Variants in NSF observed in about 807,000 individuals in gnomAD.
The protein encoded by NSF is vesicle-fusing ATPase.
Under a neutral mutation model 50.3 loss-of-function variants are expected in NSF, and 14 were observed. The observed-to-expected ratio is 0.28, with a 90% confidence interval of 0.18 to 0.44. The LOEUF (loss-of-function observed/expected upper bound fraction) is 0.44, where lower values mean the gene tolerates loss of function less well. NSF is among the 20% of genes least tolerant of loss of function. The pLI, the probability that NSF is intolerant of heterozygous loss-of-function variation, is 1.00. For missense variants in NSF, 218 were observed against 504.3 expected, an observed-to-expected ratio of 0.43 and a Z score of 5.44; for synonymous variants, 109 against 175.7, an observed-to-expected ratio of 0.62 and a Z score of 3.00.
intron 17 of NSF, among the ~76,000 whole-genome samples, chr17:46,747,207 G>A (rs2059138086): frequency 6.6e-6 from 1 of 152,068 alleles, no homozygotes; most frequent in Non-Finnish European, 1.5e-5. Flanking sequence ...AAAACAAATT[G>A]GAAAAAGGGG....
At chr17:46,642,543 TTG>T (rs1242849308) in intron 7 of NSF, among the ~76,000 whole-genome samples, 4 of 127,102 alleles carry the variant, frequency 3.1e-5, no homozygotes, top group Non-Finnish European at 4.6e-5. Context: ...TTTGTAATCA[TTG>T]AAGTCTTTAG....
chr17:46,727,192 A>G (rs2058897998), intron 16 of NSF, among the ~76,000 whole-genome samples: 1 of 152,232 alleles, frequency 6.6e-6, no homozygotes, highest in Non-Finnish European at 1.5e-5. Flanking sequence ...TAATTTTTAA[A>G]ATATGTATTA....
intron 1 of NSF, among the ~76,000 whole-genome samples, chr17:46,614,021 ATAAGTT>A (rs2058033085): frequency 2.2e-5 from 1 of 44,594 alleles, no homozygotes; most frequent in Non-Finnish European, 3.5e-5. Flanking sequence ...ACGCAGAAAA[ATAAGTT>A]AAAGATAGAT....
At chr17:46,727,686 A>T (rs2058905032) in intron 16 of NSF, among the ~76,000 whole-genome samples, 1 of 152,018 alleles carries the variant, frequency 6.6e-6, no homozygotes, top group South Asian at 2.1e-4. Flanking sequence ...AGTTTATGGG[A>T]TGATTTCTTT....
chr17:46,749,166 T>C (rs1376492122), intron 17 of NSF, among the ~76,000 whole-genome samples: 1 of 152,162 alleles, frequency 6.6e-6, no homozygotes. Context: ...GAATTGAAAA[T>C]GGTTGCCTTT....
intron 4 of NSF, among the ~76,000 whole-genome samples, chr17:46,631,333 A>G (rs2058138627): frequency 7.1e-6 from 1 of 140,420 alleles, no homozygotes; most frequent in South Asian, 2.2e-4. Context: ...GACTACAAGC[A>G]CTTGCCACCA....
At chr17:46,610,033 C>CTCTCTCTT (rs2057996617) in intron 1 of NSF, among the ~76,000 whole-genome samples, 1 of 91,122 alleles carries the variant, frequency 1.1e-5, no homozygotes, top group African/African-American at 3.7e-5. Context: ...TTCTTTCTCT[C>CTCTCTCTT]TCTCTCTCTC....
intron 19 of NSF, 26 bp downstream of exon 19, chr17:46,751,642 C>A: frequency 6.9e-7 from 1 of 1,456,022 alleles, no homozygotes; most frequent in Non-Finnish European, 9.6e-7. Flanking sequence ...CTCCGTATGA[C>A]TCAGACAGAA....
In NSF at chr17:46,726,562, C is replaced by G; in HGVS notation, c.1775C>G (p.Ala592Gly). Reference protein sequence around the residue: ...CQAMKKIFDDAYKSQLSCVVV... With the variant: ...CQAMKKIFDDGYKSQLSCVVV... ...GTTTTCTTTCAGATCTTTGATGATG[C>G]GTACAAATCCCAGCTCAGTTGTGTG... The change falls in exon 16 of 21, where the codon GCG becomes GGG. Residue 592 changes from alanine to glycine, a missense_variant. Coordinates refer to ENST00000398238, the MANE Select transcript of NSF (RefSeq NM_006178.4). The G allele has an allele frequency of 6.2e-7, 1 of 1,613,848 alleles. No homozygotes were observed. Among genetic ancestry groups the G allele is most frequent in the South Asian group, 1.1e-5 (1 of 91,080 alleles).
Position 46,755,852 on chromosome 17 carries a change from C to A in NSF, c.*29C>A. On this transcript the variant is annotated 3_prime_UTR_variant, in exon 21 of 21. Transcript: ENST00000398238. The stretch of plus-strand genomic sequence containing the variant: ...TGAACTATTTGAAACACACAGTGAC[C>A]AAGGGAAGTGACCAAGGTGAAGATG... 6.2e-7 allele frequency: 1 copy of A among 1,608,174 alleles called. No individual in the cohort carries two copies. The highest frequency in any genetic ancestry group is 8.5e-7 in the Non-Finnish European group (1 of 1,177,122).
At position 46,657,334 on chromosome 17, in the gene NSF, C is replaced by T. The variant is rs1432009461; in HGVS notation, c.745+14075C>T. 5.3e-5 allele frequency among the ~76,000 whole-genome samples: 8 copies of T among 150,522 alleles called. No homozygotes were observed. In the East Asian group the frequency reaches 1.4e-3, roughly 26 times the overall value. The stretch of plus-strand genomic sequence containing the variant: ...TCAAAGCAATCACTAAGCAGGTACT[C>T]TGGAAGAGAAATAGAAATATAAAAA... On this transcript the variant is annotated intron_variant, in intron 8 of 20. Coordinates refer to ENST00000398238, the MANE Select transcript of NSF (RefSeq NM_006178.4).
intron 15 of NSF, among the ~76,000 whole-genome samples, chr17:46,722,467 C>A (rs141027841): frequency 8.5e-5 from 13 of 152,288 alleles, no homozygotes; most frequent in Non-Finnish European, 1.9e-4. Flanking sequence ...ATCTTTCTTT[C>A]CAGTACCTCT....
At chr17:46,734,989 C>T (rs2058986419) in intron 17 of NSF, among the ~76,000 whole-genome samples, 3 of 152,146 alleles carry the variant, frequency 2.0e-5, no homozygotes, top group Middle Eastern at 3.4e-3. Flanking sequence ...AGTTCAAGAC[C>T]GCAGGAAGCT....
intron 9 of NSF, among the ~76,000 whole-genome samples, chr17:46,687,489 C>T (rs2058504937): frequency 6.9e-6 from 1 of 145,160 alleles, no homozygotes; most frequent in Non-Finnish European, 1.5e-5. Flanking sequence ...TGTCAGTCTT[C>T]CACCCTACAT....
At chr17:46,743,144 C>T (rs2059093995) in intron 17 of NSF, among the ~76,000 whole-genome samples, 1 of 152,174 alleles carries the variant, frequency 6.6e-6, no homozygotes, top group Non-Finnish European at 1.5e-5. Flanking sequence ...CACAGTAACC[C>T]TTGTGAAGCT....
intron 9 of NSF, among the ~76,000 whole-genome samples, chr17:46,680,264 T>C (rs1470591396): frequency 6.6e-6 from 1 of 151,814 alleles, no homozygotes; most frequent in Non-Finnish European, 1.5e-5. Flanking sequence ...TGAAACAATG[T>C]TATATATTCA....
At chr17:46,725,186 T>C (rs542343473) in intron 15 of NSF, among the ~76,000 whole-genome samples, 2 of 152,270 alleles carry the variant, frequency 1.3e-5, no homozygotes, top group African/African-American at 4.8e-5. Flanking sequence ...TATGGCAAGA[T>C]GGAATTGGAA....
intron 17 of NSF, among the ~76,000 whole-genome samples, chr17:46,745,994 C>T (rs779952684): frequency 1.2e-4 from 18 of 152,170 alleles, no homozygotes; most frequent in Non-Finnish European, 2.4e-4. Context: ...CCTTACGACT[C>T]AACTCATGTA....
At chr17:46,663,831 TCTAGG>T in intron 8 of NSF, among the ~76,000 whole-genome samples, 1 of 65,412 alleles carries the variant, frequency 1.5e-5, no homozygotes, top group South Asian at 8.5e-4. Context: ...CATCTTTAGT[TCTAGG>T]CTATCTAATG....
Sources: gnomAD v4.1 joint callset for allele counts (sites outside exome capture counted in the v4.1 genomes callset) on GRCh38, gnomAD v4.1.1 for gene constraint, MANE v1.5 for transcripts, NCBI Gene and HGNC (gene_info 2026-07-23, HGNC 2026-07-21) for gene names.